Variants in MACROD1 observed in about 807,000 individuals in gnomAD.
The protein encoded by MACROD1 is ADP-ribose glycohydrolase MACROD1.
MACROD1 carries 31 observed loss-of-function variants against 41.4 expected under a neutral mutation model. The observed-to-expected ratio is 0.75, with a 90% CI of 0.56 to 1.01. The LOEUF (loss-of-function observed/expected upper bound fraction) is 1.01. Among genes scored for constraint, MACROD1 ranks in the 50% least tolerant of loss-of-function variants. The pLI is 0.00. For synonymous variants in MACROD1, 252 were observed against 203.4 expected (o/e 1.24, Z -2.03); for missense variants, 473 against 460.0 (o/e 1.03, Z -0.26).
At chr11:64,095,794 TCCTGAAATAGG>T (rs1944565557) in intron 3 of MACROD1, among the ~76,000 whole-genome samples, 1 of 152,112 alleles carries the variant, frequency 6.6e-6, no homozygotes, top group Non-Finnish European at 1.5e-5. Context: ...AGCAGGGGGC[TCCTGAAATAGG>T]CCAAGAGGGG....
intron 1 of MACROD1, among the ~76,000 whole-genome samples, chr11:64,163,807 T>C (rs1443149797): frequency 6.6e-6 from 1 of 152,190 alleles, no homozygotes; most frequent in Non-Finnish European, 1.5e-5. Flanking sequence ...GGTGTTTTGT[T>C]ACACAGAAAT....
intron 4 of MACROD1, among the ~76,000 whole-genome samples, chr11:64,010,448 G>C (rs1942989878): frequency 1.3e-5 from 2 of 150,390 alleles, no homozygotes; most frequent in Admixed American, 1.3e-4. Context: ...TTGGGGTGTT[G>C]GTTGGGGTGC....
intron 3 of MACROD1, among the ~76,000 whole-genome samples, chr11:64,131,335 G>A (rs1009402458): frequency 4.6e-5 from 7 of 151,270 alleles, no homozygotes; most frequent in Admixed American, 2.0e-4. Flanking sequence ...AAAGACCCTC[G>A]GGACGTTTTC....
intron 3 of MACROD1, chr11:64,116,202 T>C: frequency 2.6e-6 from 4 of 1,542,670 alleles, no homozygotes; most frequent in Non-Finnish European, 3.5e-6. Context: ...ACTGCCCCTG[T>C]CCTGTGCTCC....
chr11:64,111,131 G>C (rs1447321392), intron 3 of MACROD1, among the ~76,000 whole-genome samples: 2 of 152,244 alleles, frequency 1.3e-5, no homozygotes, highest in African/African-American at 4.8e-5. Flanking sequence ...GAGGACTGTG[G>C]CCATGAGCTG....
At chr11:64,040,478 C>T (rs1943463988) in intron 3 of MACROD1, among the ~76,000 whole-genome samples, 1 of 152,086 alleles carries the variant, frequency 6.6e-6, no homozygotes, top group Admixed American at 6.5e-5. Flanking sequence ...GCCCATCCAT[C>T]CCCAGCTCTC....
At chr11:64,119,517 A>ATT (rs58767804) in intron 3 of MACROD1, among the ~76,000 whole-genome samples, 9 of 150,562 alleles carry the variant, frequency 6.0e-5, no homozygotes, top group African/African-American at 2.2e-4. Context: ...TAGCGCAGGG[A>ATT]TTTTTTTTTT....
At chr11:64,043,462 G>A (rs1376525644) in intron 3 of MACROD1, among the ~76,000 whole-genome samples, 1 of 152,174 alleles carries the variant, frequency 6.6e-6, no homozygotes, top group Non-Finnish European at 1.5e-5. Context: ...TGTGACAAAA[G>A]GGCAAGTTGA....
At chr11:64,136,880 G>T (rs994170440) in intron 3 of MACROD1, among the ~76,000 whole-genome samples, 2 of 152,240 alleles carry the variant, frequency 1.3e-5, no homozygotes, top group East Asian at 1.9e-4. Flanking sequence ...CTGCAGGGAT[G>T]GGGGGATGAG....
At chr11:64,156,508 A>G (rs1251639846) in intron 1 of MACROD1, among the ~76,000 whole-genome samples, 3 of 152,154 alleles carry the variant, frequency 2.0e-5, no homozygotes, top group African/African-American at 7.2e-5. Context: ...ATCCCATGGA[A>G]CTAGACCAGC....
chr11:64,022,734 G>A (rs1316856683), intron 3 of MACROD1, among the ~76,000 whole-genome samples: 1 of 152,202 alleles, frequency 6.6e-6, no homozygotes. Context: ...CCGTGGTAGG[G>A]CGGCCCAGGT....
intron 3 of MACROD1, among the ~76,000 whole-genome samples, chr11:64,087,806 G>A (rs1944421164): frequency 6.6e-6 from 1 of 152,232 alleles, no homozygotes; most frequent in African/African-American, 2.4e-5. Context: ...CCCAGGGCTG[G>A]CTTCTCTGCA....
intron 3 of MACROD1, among the ~76,000 whole-genome samples, chr11:64,076,439 TGGATGGATGGAC>T (rs1247649678): frequency 1.3e-5 from 2 of 151,658 alleles, no homozygotes; most frequent in Admixed American, 6.6e-5. Context: ...CTGTACTGGA[TGGATGGATGGAC>T]GGATGGATGG....
intron 3 of MACROD1, among the ~76,000 whole-genome samples, chr11:64,057,759 G>A (rs573086907): frequency 2.6e-5 from 4 of 152,240 alleles, no homozygotes; most frequent in Non-Finnish European, 5.9e-5. Flanking sequence ...GGAGGAGGAA[G>A]GGGACAGCCA....
At chr11:64,129,875 T>C (rs1945240542) in intron 3 of MACROD1, among the ~76,000 whole-genome samples, 1 of 152,088 alleles carries the variant, frequency 6.6e-6, no homozygotes, top group African/African-American at 2.4e-5. Flanking sequence ...TGCCAGGACC[T>C]GCATTTCAGG....
At chr11:64,024,472 T>C (rs1943199396) in intron 3 of MACROD1, among the ~76,000 whole-genome samples, 1 of 152,180 alleles carries the variant, frequency 6.6e-6, no homozygotes, top group Admixed American at 6.5e-5. Context: ...TGGGTCTGAA[T>C]TGGGCTGTCT....
Position 64,166,068 on chromosome 11 carries a change from T to A in MACROD1, c.-74A>T. The stretch of plus-strand genomic sequence containing the variant: ...GCGCTCGGGAGTGTCTCTCCCTTAT[T>A]TACTCTGGGACCGGGTGGCGACTGC... On this transcript the variant is annotated 5_prime_UTR_variant, in exon 1 of 11. Transcript: ENST00000255681. 1 of 1,232,592 alleles carries A rather than the reference T, an allele frequency of 8.1e-7. No individual in the cohort carries two copies. The highest frequency in any genetic ancestry group is 1.0e-6 in the Non-Finnish European group (1 of 988,394). The allele number at this position is 1,232,592 out of a possible 1,614,324, so 76.4% of individuals were successfully genotyped here.
chr11:64,089,638 C>A (rs147526828), intron 3 of MACROD1, among the ~76,000 whole-genome samples: 26 of 152,356 alleles, frequency 1.7e-4, no homozygotes, highest in African/African-American at 5.8e-4. Context: ...CAGTCCCAGC[C>A]TGGCCCCACT....
chr11:64,021,938 G>A lies in MACROD1; in HGVS notation c.518-6657C>T, dbSNP rs868844050. Among the ~76,000 whole-genome samples, 3 of 52,850 alleles carry A rather than the reference G, an allele frequency of 5.7e-5. No homozygotes were observed. The East Asian group carries it at 2.4e-3, about 42-fold the overall frequency. 34.7% of individuals were successfully genotyped at this position (52,850 alleles called of 152,430 possible). On this transcript the variant is annotated intron_variant, in intron 3 of 10. Coordinates refer to ENST00000255681, the MANE Select transcript of MACROD1 (RefSeq NM_014067.4). The stretch of plus-strand genomic sequence containing the variant: ...GCAAGGGAGTGGCAGGGGGCCGGGG[G>A]GGGGGGGGGGGGGTGTGAGGTGGCG...
Sources: allele counts gnomAD v4.1 joint callset (sites outside exome capture counted in the v4.1 genomes callset), GRCh38; gene constraint gnomAD v4.1.1; transcripts MANE v1.5; gene names NCBI Gene and HGNC (gene_info 2026-07-23, HGNC 2026-07-21).